The following CFAP61 variants were observed in gnomAD, a reference collection of about 807,000 sequenced individuals.
CFAP61 encodes cilia- and flagella-associated protein 61.
A neutral mutation model predicts 135.6 loss-of-function variants in CFAP61; 107 were observed. That is an observed-to-expected ratio of 0.79 (90% confidence interval 0.67 to 0.93). The LOEUF is 0.93. CFAP61 is among the 40% of genes least tolerant of loss of function. CFAP61 has a pLI of 0.00. For synonymous variants in CFAP61, 575 were observed against 578.5 expected, an observed-to-expected ratio of 0.99 and a Z score of 0.09; for missense variants, 1,507 against 1,556.2, an observed-to-expected ratio of 0.97 and a Z score of 0.53.
intron 15 of CFAP61, 67 bp downstream of exon 15, chr20:20,191,486 GC>G: frequency 1.7e-6 from 2 of 1,159,102 alleles, no homozygotes; most frequent in East Asian, 2.4e-5. Flanking sequence ...AGCCCACAGT[GC>G]CCCTTTTGGA....
chr20:20,078,857 C>T lies in CFAP61; in HGVS notation c.566+3242C>T, dbSNP rs370491670. 8.5e-5 allele frequency among the ~76,000 whole-genome samples: 13 copies of T among 152,160 alleles called. 1 individual carries two copies. Among genetic ancestry groups the T allele is most frequent in the African/African-American group, 3.1e-4 (13 of 41,508 alleles). ...GATGAATAAAACTGATACTTCCAGCCAAACTGACCAAGAAAAAAGACAAAT... is the reference window on the plus strand; with the variant it reads ...GATGAATAAAACTGATACTTCCAGCTAAACTGACCAAGAAAAAAGACAAAT... On this transcript the variant is annotated intron_variant, in intron 6 of 26. Coordinates refer to ENST00000245957, the MANE Select transcript of CFAP61 (RefSeq NM_015585.4).
At chr20:20,126,054 A>G (rs537634774) in intron 8 of CFAP61, among the ~76,000 whole-genome samples, 2 of 151,794 alleles carry the variant, frequency 1.3e-5, no homozygotes, top group Non-Finnish European at 2.9e-5. Flanking sequence ...TTTGGTGTCC[A>G]TTTGCATGAA....
rs545810228 is a variant in CFAP61, at chr20:20,209,455, T to C, written c.1932+9553T>C. On this transcript the variant is annotated intron_variant, in intron 17 of 26. Coordinates refer to ENST00000245957, the MANE Select transcript of CFAP61 (RefSeq NM_015585.4). Reference sequence around the variant, plus strand: ...GTGATTCCTGAATTGAAAAAGATGATTTCTCTTGGCAATATGTTGCTTTAT... The same window carrying C: ...GTGATTCCTGAATTGAAAAAGATGACTTCTCTTGGCAATATGTTGCTTTAT... Among the ~76,000 whole-genome samples the C allele has an allele frequency of 2.0e-5, 3 of 152,354 alleles. No individual in the cohort carries two copies. The South Asian group carries it at 6.2e-4, about 32-fold the overall frequency.
intron 18 of CFAP61, 21 bp downstream of exon 18, chr20:20,228,397 G>C (rs778916018): frequency 6.3e-7 from 1 of 1,587,520 alleles, no homozygotes; most frequent in Non-Finnish European, 8.6e-7. Context: ...TCACTCTATT[G>C]ATTGATTGGT....
At chr20:20,354,950 C>CACTG in intron 26 of CFAP61, among the ~76,000 whole-genome samples, 1 of 7,694 alleles carries the variant, frequency 1.3e-4, no homozygotes, top group African/African-American at 2.5e-4. Context: ...GGTGGTCACA[C>CACTG]TGAGGGGAAG....
rs1368207235 is a variant in CFAP61, at chr20:20,189,920, G to A, written c.1513-1422G>A. Among the ~76,000 whole-genome samples the A allele has an allele frequency of 3.3e-5, 5 of 152,218 alleles. No homozygotes were observed. In the East Asian group the frequency reaches 9.6e-4, roughly 29 times the overall value. ...AGGGATTCTCCTGCCTCAGCCTCCT[G>A]AGTAGCTGGGATTACACGTGCCTGC... On this transcript the variant is annotated intron_variant, in intron 14 of 26. Coordinates refer to ENST00000245957, the MANE Select transcript of CFAP61 (RefSeq NM_015585.4).
At chr20:20,060,894 C>T (rs1040298405) in intron 2 of CFAP61, among the ~76,000 whole-genome samples, 4 of 152,216 alleles carry the variant, frequency 2.6e-5, no homozygotes, top group Non-Finnish European at 5.9e-5. Flanking sequence ...TAGCAACTGC[C>T]ACCAGCTGCC....
intron 13 of CFAP61, among the ~76,000 whole-genome samples, chr20:20,180,660 G>A (rs920083767): frequency 1.3e-5 from 2 of 152,178 alleles, no homozygotes; most frequent in African/African-American, 4.8e-5. Context: ...CCACTACTGA[G>A]TATATATCCA....
In CFAP61 at chr20:20,189,671, C is replaced by A. The variant is rs576307189; in HGVS notation, c.1512+1615C>A. Among the ~76,000 whole-genome samples, 5 of 152,178 alleles carry A rather than the reference C, an allele frequency of 3.3e-5. No individual in the cohort carries two copies. The East Asian group carries it at 5.8e-4, about 18-fold the overall frequency. Reference sequence around the variant, plus strand: ...GAATGACTAAAACAAAATAGCGATGCCACTAGCCGCTAAATGCTGGCAAGG... The same window carrying A: ...GAATGACTAAAACAAAATAGCGATGACACTAGCCGCTAAATGCTGGCAAGG... On this transcript the variant is annotated intron_variant, in intron 14 of 26. Coordinates refer to ENST00000245957, the MANE Select transcript of CFAP61 (RefSeq NM_015585.4).
intron 9 of CFAP61, among the ~76,000 whole-genome samples, chr20:20,145,018 C>T (rs951379431): frequency 2.0e-5 from 3 of 152,028 alleles, no homozygotes; most frequent in South Asian, 2.1e-4. Context: ...ACCCACATTA[C>T]GAGAAATGTT....
At chr20:20,274,672 T>C (rs537846640) in intron 21 of CFAP61, among the ~76,000 whole-genome samples, 30 of 151,542 alleles carry the variant, frequency 2.0e-4, no homozygotes, top group Non-Finnish European at 8.8e-5. Flanking sequence ...AAAATAAAAA[T>C]GAAAATAAAA....
At chr20:20,360,117 TGAC>T in intron 26 of CFAP61, 90 bp from the exon 27 acceptor site, 1 of 924,466 alleles carries the variant, frequency 1.1e-6, no homozygotes, top group Non-Finnish European at 1.7e-6. Flanking sequence ...CTTGCAGAGC[TGAC>T]TACTGTTGTT....
intron 21 of CFAP61, among the ~76,000 whole-genome samples, chr20:20,273,123 C>T (rs1415322428): frequency 1.3e-5 from 2 of 150,366 alleles, no homozygotes; most frequent in Non-Finnish European, 2.9e-5. Flanking sequence ...TCAAGCAGTC[C>T]TCCTGTCTTG....
At chr20:20,123,187 C>G (rs889653560) in intron 8 of CFAP61, among the ~76,000 whole-genome samples, 15 of 151,514 alleles carry the variant, frequency 9.9e-5, no homozygotes, top group African/African-American at 2.7e-4. Flanking sequence ...GTCAGATGTA[C>G]AGATTGTAAA....
chr20:20,232,825 AAGC>A (rs1364630016), intron 18 of CFAP61: 8 of 152,254 alleles, frequency 5.3e-5, no homozygotes, highest in African/African-American at 1.9e-4. Flanking sequence ...CAGTGACTGA[AAGC>A]AGCCCAGCTG....
chr20:20,297,208 G>A (rs1485605844), intron 24 of CFAP61, among the ~76,000 whole-genome samples: 2 of 152,166 alleles, frequency 1.3e-5, no homozygotes, highest in Non-Finnish European at 2.9e-5. Flanking sequence ...TAAACCGTGT[G>A]TCCTTTTGTT....
intron 8 of CFAP61, among the ~76,000 whole-genome samples, chr20:20,112,636 G>C (rs573201539): frequency 3.3e-5 from 5 of 152,214 alleles, no homozygotes; most frequent in African/African-American, 9.6e-5. Context: ...ACTCCTTTGT[G>C]GGGGTGAGGG....
chr20:20,308,085 A>G (rs771379117), intron 25 of CFAP61, among the ~76,000 whole-genome samples: 26 of 152,222 alleles, frequency 1.7e-4, no homozygotes, highest in Non-Finnish European at 2.2e-4. Flanking sequence ...ACTGTCCACT[A>G]TGAGAGTCAA....
intron 20 of CFAP61, among the ~76,000 whole-genome samples, chr20:20,261,561 G>A (rs1444963033): frequency 6.6e-6 from 1 of 152,144 alleles, no homozygotes; most frequent in African/African-American, 2.4e-5. Flanking sequence ...CCAATTAAAA[G>A]TCAGAGGGAC....
Sources: gnomAD v4.1 joint callset for allele counts (sites outside exome capture counted in the v4.1 genomes callset) on GRCh38, gnomAD v4.1.1 for gene constraint, MANE v1.5 for transcripts, NCBI Gene and HGNC (gene_info 2026-07-23, HGNC 2026-07-21) for gene names.